KIR2DL4: variants seen among roughly 807,000 people sequenced by gnomAD.
The protein encoded by KIR2DL4 is killer cell immunoglobulin like receptor, two Ig domains and long cytoplasmic tail 4.
Under a neutral mutation model 31.0 loss-of-function variants are expected in KIR2DL4, and 41 were observed. The observed-to-expected ratio is 1.32, with a 90% CI of 1.03 to 1.72. The LOEUF (loss-of-function observed/expected upper bound fraction) is 1.72. Among genes scored for constraint, KIR2DL4 ranks in the 40% most tolerant of loss-of-function variants. The probability of loss-of-function intolerance (pLI) is 0.00; values close to 1 mark genes in which losing one functional copy is unlikely to be tolerated. For synonymous variants in KIR2DL4, 164 were observed against 133.6 expected (o/e 1.23, Z -1.57); for missense variants, 438 against 353.7 (o/e 1.24, Z -1.91).
rs747682034 is a variant in KIR2DL4, at chr19:54,803,907, G to C, written c.57G>C (p.Gln19His). 11 of 1,610,212 alleles carry C rather than the reference G, an allele frequency of 6.8e-6. No individual in the cohort carries two copies. In the East Asian group the frequency reaches 1.3e-4, roughly 20 times the overall value. ...TCTTTGCAGGGTTCTTCTTGGACCA[G>C]AGTGTGTGGGCACACGTGGGTGAGT... is the stretch of plus-strand genomic sequence containing the variant. Residue 19 changes from glutamine to histidine, a missense_variant, in exon 2 of 8, where the codon CAG (glutamine) becomes CAC (histidine). Physicochemically the swap from Gln to His is conservative, Grantham distance 24. Coordinates refer to ENST00000359085, the Ensembl canonical transcript of KIR2DL4.
chr19:54,803,821 G>C (rs560915366), intron 1 of KIR2DL4, 70 bp from the exon 2 acceptor site: 1 of 1,563,004 alleles, frequency 6.4e-7, no homozygotes, highest in African/African-American at 1.4e-5. Context: ...CCAGCGTGGC[G>C]CCCAGTGGCT....
chr19:54,808,214 G>C (rs1363690524), intron 4 of KIR2DL4, among the ~76,000 whole-genome samples: 2 of 129,034 alleles, frequency 1.5e-5, no homozygotes, highest in African/African-American at 7.0e-5. Context: ...TAATCCCAAT[G>C]GTCTATTTTT....
exon 4 of KIR2DL4, chr19:54,806,081 T>G: frequency 1.2e-6 from 2 of 1,612,060 alleles, no homozygotes; most frequent in Non-Finnish European, 1.7e-6. Flanking sequence ...GGGAAGCCCA[T>G]GAACTTAGGC....
At chr19:54,810,857 C>A (rs1372665626) in intron 5 of KIR2DL4, among the ~76,000 whole-genome samples, 1 of 151,336 alleles carries the variant, frequency 6.6e-6, no homozygotes, top group Non-Finnish European at 1.5e-5. Context: ...GTGGAAAAGG[C>A]AATTCCCGCC....
At chr19:54,814,063 G>A in exon 8 of KIR2DL4, 1 of 1,612,194 alleles carries the variant, frequency 6.2e-7, no homozygotes, top group Non-Finnish European at 8.5e-7. Context: ...CAACAGCCCT[G>A]TCTCAAACCC....
intron 4 of KIR2DL4, among the ~76,000 whole-genome samples, chr19:54,806,488 C>T (rs2060539177): frequency 6.6e-6 from 1 of 151,086 alleles, no homozygotes; most frequent in South Asian, 2.1e-4. Context: ...AGGACAGACC[C>T]AGAGGAGGGA....
chr19:54,804,232 G>T (rs574920795), intron 2 of KIR2DL4, among the ~76,000 whole-genome samples: 9 of 150,948 alleles, frequency 6.0e-5, no homozygotes, highest in Admixed American at 5.9e-4. Flanking sequence ...GCCCAGGCGG[G>T]ATACTGAGGT....
chr19:54,803,628 C>A lies in KIR2DL4; in HGVS notation c.-24C>A, dbSNP rs1464936898. 3.1e-6 allele frequency: 5 copies of A among 1,611,998 alleles called. No homozygotes were observed. In the African/African-American group the frequency reaches 4.0e-5, roughly 13 times the overall value. On this transcript the variant is annotated 5_prime_UTR_variant, in exon 1 of 8. Coordinates refer to ENST00000359085, the Ensembl canonical transcript of KIR2DL4. Reference sequence around the variant, plus strand: ...ACCGGTCAGTCGAGCCGAGTCACTGCGTCCTGGCAGCAGAAGCTGCACCAT... The same window carrying A: ...ACCGGTCAGTCGAGCCGAGTCACTGAGTCCTGGCAGCAGAAGCTGCACCAT...
intron 6 of KIR2DL4, chr19:54,813,249 G>A: frequency 6.3e-7 from 1 of 1,597,112 alleles, no homozygotes; most frequent in South Asian, 1.1e-5. Flanking sequence ...CGAAGCAGAG[G>A]CCAGAGAACT....
At position 54,813,834 on chromosome 19, in the gene KIR2DL4, C is replaced by G. The variant is rs748049919; in HGVS notation, c.*42-8C>G. On this transcript the variant is annotated splice_polypyrimidine_tract_variant and splice_region_variant and intron_variant, in intron 7 of 7. Coordinates refer to ENST00000359085, the Ensembl canonical transcript of KIR2DL4. ...ACCCTCCCTCACTCAGGATTTCCCTCTCTCCAGGACTCTGATGAACAAGAC... is the reference window on the plus strand; with the variant it reads ...ACCCTCCCTCACTCAGGATTTCCCTGTCTCCAGGACTCTGATGAACAAGAC... 44 of 1,612,240 alleles carry G rather than the reference C, an allele frequency of 2.7e-5. 1 individual carries two copies. Among genetic ancestry groups the G allele is most frequent in the Middle Eastern group, 1.6e-4 (1 of 6,072 alleles).
exon 8 of KIR2DL4, chr19:54,814,504 C>T (rs2061103019): frequency 1.2e-5 from 3 of 249,452 alleles, no homozygotes; most frequent in Admixed American, 5.3e-5. Context: ...TTCAAATAAA[C>T]ATGTCTGCCT....
intron 4 of KIR2DL4, among the ~76,000 whole-genome samples, chr19:54,807,658 G>A (rs1397520246): frequency 3.3e-5 from 5 of 149,352 alleles, no homozygotes; most frequent in South Asian, 4.3e-4. Context: ...GGCTGGTCTC[G>A]AACTCTTGAC....
At chr19:54,811,305 G>A (rs897930545) in intron 5 of KIR2DL4, among the ~76,000 whole-genome samples, 3 of 151,080 alleles carry the variant, frequency 2.0e-5, no homozygotes, top group Admixed American at 6.6e-5. Context: ...AGTTGAAGAA[G>A]GAGAATGGCT....
intron 5 of KIR2DL4, among the ~76,000 whole-genome samples, chr19:54,811,224 C>T: frequency 6.6e-6 from 1 of 150,652 alleles, no homozygotes; most frequent in East Asian, 1.9e-4. Context: ...ATGGTGAAAC[C>T]CCATCTCTAC....
chr19:54,812,473 T>C (rs2060919917), intron 5 of KIR2DL4, among the ~76,000 whole-genome samples: 24 of 151,412 alleles, frequency 1.6e-4, no homozygotes, highest in South Asian at 2.1e-4. Context: ...ACGTTCCTCC[T>C]GATCTCAGGA....
intron 4 of KIR2DL4, among the ~76,000 whole-genome samples, chr19:54,808,582 G>A (rs2060667630): frequency 1.3e-5 from 2 of 150,316 alleles, no homozygotes; most frequent in Admixed American, 6.6e-5. Flanking sequence ...CCAATGTCAT[G>A]TTGTTTTGCT....
chr19:54,813,001 GC>G, intron 5 of KIR2DL4: 2 of 655,732 alleles, frequency 3.1e-6, no homozygotes. Context: ...TGGGTCTCCC[GC>G]CTCGTGGGTG....
At chr19:54,813,164 T>C (rs2060971734) in exon 6 of KIR2DL4, 1 of 1,532,956 alleles carries the variant, frequency 6.5e-7, no homozygotes, top group African/African-American at 1.6e-5. Context: ...AGGTACTCAG[T>C]GGCCATCATC....
Position 54,814,394 on chromosome 19 carries a change from C to T in KIR2DL4, c.*594C>T, listed in dbSNP as rs201418687. On this transcript the variant is annotated 3_prime_UTR_variant, in exon 8 of 8. Coordinates refer to ENST00000359085, the Ensembl canonical transcript of KIR2DL4. ...GGCACTTAGACACGTGCTGTTCCAC[C>T]TTCCCTCGTGCTGTTCCACCTTTCC... 34 of 456,860 alleles carry T rather than the reference C, an allele frequency of 7.4e-5. No individual in the cohort carries two copies. The East Asian group carries it at 1.3e-3, about 17-fold the overall frequency. 28.3% of individuals were successfully genotyped at this position (456,860 alleles called of 1,614,324 possible). A position where few individuals can be genotyped will look rare whatever the true frequency, so the allele number is the denominator to read the frequency against.
Sources: gnomAD v4.1 joint callset for allele counts (sites outside exome capture counted in the v4.1 genomes callset) on GRCh38, gnomAD v4.1.1 for gene constraint, MANE v1.5 for transcripts, NCBI Gene and HGNC (gene_info 2026-07-23, HGNC 2026-07-21) for gene names.